Variants in SGMS1 observed in about 807,000 individuals in gnomAD.
SGMS1 encodes phosphatidylcholine:ceramide cholinephosphotransferase 1.
Under a neutral mutation model 46.2 loss-of-function variants are expected in SGMS1, and 13 were observed. That is an observed-to-expected ratio of 0.28 (90% confidence interval 0.18 to 0.45). SGMS1 has a LOEUF of 0.45. Ranked by LOEUF, SGMS1 falls within the 20% of genes least tolerant of loss-of-function variation. SGMS1 has a pLI of 1.00. For synonymous variants in SGMS1, 203 were observed against 187.8 expected (o/e 1.08, Z -0.66); for missense variants, 324 against 519.9 (o/e 0.62, Z 3.66).
chr10:50,592,332 C>G (rs951306275), intron 1 of SGMS1, among the ~76,000 whole-genome samples: 1 of 152,110 alleles, frequency 6.6e-6, no homozygotes, highest in Non-Finnish European at 1.5e-5. Context: ...AGAATGTAAT[C>G]GTTGCATAGA....
chr10:50,331,795 C>T (rs1847627153), intron 7 of SGMS1, among the ~76,000 whole-genome samples: 1 of 137,324 alleles, frequency 7.3e-6, no homozygotes, highest in Non-Finnish European at 1.6e-5. Context: ...TGAATTAGTG[C>T]CCTTATAAAA....
intron 6 of SGMS1, among the ~76,000 whole-genome samples, chr10:50,399,052 T>G (rs1207782728): frequency 6.6e-6 from 1 of 152,138 alleles, no homozygotes; most frequent in Non-Finnish European, 1.5e-5. Context: ...GAGAGGAATC[T>G]TATCTTTTAA....
chr10:50,529,093 T>G (rs989615232), intron 2 of SGMS1, among the ~76,000 whole-genome samples: 1 of 152,202 alleles, frequency 6.6e-6, no homozygotes, highest in Non-Finnish European at 1.5e-5. Flanking sequence ...ACAGGGTATG[T>G]GTATGTGTTT....
chr10:50,350,168 T>A (rs570048492), intron 6 of SGMS1, among the ~76,000 whole-genome samples: 1 of 152,330 alleles, frequency 6.6e-6, no homozygotes, highest in South Asian at 2.1e-4. Flanking sequence ...TTGTTATGTT[T>A]CAGCAAAGAG....
At chr10:50,388,567 C>T (rs575481449) in intron 6 of SGMS1, among the ~76,000 whole-genome samples, 4 of 151,290 alleles carry the variant, frequency 2.6e-5, no homozygotes, top group South Asian at 2.1e-4. Flanking sequence ...GAGCTAAGTT[C>T]GCACCACTGC....
intron 1 of SGMS1, among the ~76,000 whole-genome samples, chr10:50,622,316 C>A (rs1278314454): frequency 6.6e-6 from 1 of 152,184 alleles, no homozygotes; most frequent in Non-Finnish European, 1.5e-5. Flanking sequence ...CCCTTTCCAT[C>A]TGGGCAGCTC....
At chr10:50,580,205 A>AT (rs1247644037) in intron 2 of SGMS1, among the ~76,000 whole-genome samples, 1 of 152,144 alleles carries the variant, frequency 6.6e-6, no homozygotes, top group African/African-American at 2.4e-5. Flanking sequence ...AGAAACAAGC[A>AT]TAACAGGCAT....
At chr10:50,352,330 A>G (rs145892288) in intron 6 of SGMS1, among the ~76,000 whole-genome samples, 2 of 152,150 alleles carry the variant, frequency 1.3e-5, no homozygotes, top group African/African-American at 4.8e-5. Context: ...ACAAAATATC[A>G]TATCTAGACC....
At chr10:50,481,869 T>TTA (rs1837480258) in intron 3 of SGMS1, among the ~76,000 whole-genome samples, 1 of 151,958 alleles carries the variant, frequency 6.6e-6, no homozygotes. Context: ...CATGAGAACT[T>TTA]CATAGCACAA....
intron 4 of SGMS1, among the ~76,000 whole-genome samples, chr10:50,465,905 C>T (rs1004691297): frequency 5.3e-5 from 8 of 151,018 alleles, no homozygotes; most frequent in African/African-American, 1.9e-4. Context: ...TGAGACATCT[C>T]AACTTATATC....
At chr10:50,368,593 T>G (rs1299337203) in intron 6 of SGMS1, among the ~76,000 whole-genome samples, 7 of 152,200 alleles carry the variant, frequency 4.6e-5, no homozygotes, top group Admixed American at 4.6e-4. Context: ...TGACCTCAGG[T>G]GATCTGCCCT....
At chr10:50,518,106 T>C (rs147982609) in intron 3 of SGMS1, among the ~76,000 whole-genome samples, 104 of 152,330 alleles carry the variant, frequency 6.8e-4, no homozygotes, top group Non-Finnish European at 1.2e-3. Context: ...TAAAATTGAC[T>C]AATTTGTATG....
intron 6 of SGMS1, among the ~76,000 whole-genome samples, chr10:50,345,003 A>T (rs1463676449): frequency 3.9e-5 from 6 of 152,168 alleles, no homozygotes; most frequent in African/African-American, 1.2e-4. Context: ...GAGATAATTT[A>T]AAAGAATAAA....
intron 4 of SGMS1, among the ~76,000 whole-genome samples, chr10:50,463,639 T>A (rs1194730074): frequency 1.3e-5 from 2 of 152,206 alleles, no homozygotes; most frequent in Non-Finnish European, 2.9e-5. Context: ...ACATTAAGAA[T>A]AGAACTACTA....
chr10:50,487,004 G>T (rs889002080), intron 3 of SGMS1, among the ~76,000 whole-genome samples: 3 of 152,202 alleles, frequency 2.0e-5, no homozygotes, highest in Non-Finnish European at 2.9e-5. Context: ...CATGTCCTTT[G>T]CAGGGACATG....
rs754068434 is a variant in SGMS1, at chr10:50,307,166, G to A, written c.1218C>T (p.Tyr406=). The stretch of plus-strand genomic sequence containing the variant: ...GTTATGTGTCATTCACCAGCCGGCT[G>A]TATTTAACTTGCCTACTGAGGTGGA... ...PVVHLSRQVK[Y]SRLVNDT Residue 406 remains tyrosine, a synonymous_variant, in exon 11 of 11, where the codon TAC becomes TAT. Coordinates refer to ENST00000361781, the MANE Select transcript of SGMS1 (RefSeq NM_147156.4). This position sits in a 1 kb window ranked among gnomAD's most constrained non-coding sequence, Gnocchi z 4.2. 3 of 1,614,024 alleles carry A rather than the reference G, an allele frequency of 1.9e-6. No homozygotes were observed. The highest frequency in any genetic ancestry group is 4.5e-5 in the East Asian group (2 of 44,884).
intron 8 of SGMS1, among the ~76,000 whole-genome samples, chr10:50,314,803 C>T (rs1021904397): frequency 3.3e-5 from 5 of 152,048 alleles, no homozygotes; most frequent in African/African-American, 9.7e-5. Flanking sequence ...TGCCTGTAGT[C>T]CCAGCTACTT....
chr10:50,580,700 C>T (rs1037374640), intron 2 of SGMS1, among the ~76,000 whole-genome samples: 5 of 151,994 alleles, frequency 3.3e-5, no homozygotes, highest in Non-Finnish European at 5.9e-5. Flanking sequence ...ACAAAGTATG[C>T]GAAGTAGTCA....
At chr10:50,593,972 G>T (rs1838566718) in intron 1 of SGMS1, among the ~76,000 whole-genome samples, 1 of 152,180 alleles carries the variant, frequency 6.6e-6, no homozygotes. Flanking sequence ...TATATACCTA[G>T]GAGAGGAGAG....
Sources: allele counts gnomAD v4.1 joint callset (sites outside exome capture counted in the v4.1 genomes callset), GRCh38; gene constraint gnomAD v4.1.1; non-coding constraint Gnocchi (gnomAD v3.1); transcripts MANE v1.5; gene names NCBI Gene and HGNC (gene_info 2026-07-23, HGNC 2026-07-21).